Variants in OR8B2 observed in about 807,000 individuals in gnomAD.
OR8B2 encodes the protein olfactory receptor 8B2.
For synonymous variants in OR8B2, 98 were observed against 138.2 expected (o/e 0.71, Z 2.04); for missense variants, 304 against 379.6 (o/e 0.80, Z 1.65).
At chr11:124,391,286 G>GAA in the OR8B2 span, among the ~76,000 whole-genome samples, 1 of 111,158 alleles carries the variant, frequency 9.0e-6, no homozygotes, top group Non-Finnish European at 2.1e-5. Context: ...AGGAAATACA[G>GAA]ACAAAAAAAA....
the OR8B2 span, among the ~76,000 whole-genome samples, chr11:124,395,275 AAAAACAAAAC>A: frequency 1.3e-5 from 2 of 152,216 alleles, no homozygotes; most frequent in African/African-American, 4.8e-5. Context: ...AAAAAAAGAC[AAAAACAAAAC>A]AAAACAAAAC....
chr11:124,396,964 A>G, the OR8B2 span: 4 of 1,613,296 alleles, frequency 2.5e-6, no homozygotes, highest in South Asian at 1.1e-5. Context: ...TTATACAGCA[A>G]TGGATTACAG....
At chr11:124,394,086 C>G in the OR8B2 span, among the ~76,000 whole-genome samples, 1 of 122,174 alleles carries the variant, frequency 8.2e-6, no homozygotes, top group Non-Finnish European at 1.6e-5. Flanking sequence ...AGGAGAACAT[C>G]ACACTCTGGG....
At chr11:124,396,942 G>A in the OR8B2 span, 1 of 1,610,438 alleles carries the variant, frequency 6.2e-7, no homozygotes, top group Non-Finnish European at 8.5e-7. Flanking sequence ...GACCTGATGG[G>A]ACATGGTGAC....
upstream of OR8B2, among the ~76,000 whole-genome samples, chr11:124,386,488 A>G (rs191741030): frequency 0.31 from 43,189 of 137,202 alleles, 6,188 homozygotes; most frequent in African/African-American, 0.37. Context: ...ATTCCCACCT[A>G]TGAGTGAGAA....
At chr11:124,394,023 C>T in the OR8B2 span, among the ~76,000 whole-genome samples, 314 of 144,502 alleles carry the variant, frequency 2.2e-3, 1 homozygote, top group African/African-American at 7.8e-3. Flanking sequence ...CCAAACACCG[C>T]GTATTCTCAC....
chr11:124,389,645 A>G, the OR8B2 span, among the ~76,000 whole-genome samples: 1 of 152,300 alleles, frequency 6.6e-6, no homozygotes, highest in East Asian at 1.9e-4. Context: ...ATTGATTGTT[A>G]AAAATCATTT....
the OR8B2 span, among the ~76,000 whole-genome samples, chr11:124,394,853 T>C: frequency 6.6e-6 from 1 of 152,172 alleles, no homozygotes; most frequent in African/African-American, 2.4e-5. Context: ...TCGTTATTTT[T>C]ATATGTTATT....
At position 124,382,804 on chromosome 11, in the gene OR8B2, G is replaced by T. The variant is rs766000494; in HGVS notation, c.540C>A (p.Asp180Glu). The T allele has an allele frequency of 3.7e-6, 6 of 1,602,490 alleles. 1 individual carries two copies. The East Asian group carries it at 1.3e-4, about 36-fold the overall frequency. ...SANIINHYLC[D>E]ILPLLQLSCT... is the part of the protein sequence containing the mutation. The stretch of plus-strand genomic sequence containing the variant: ...AGGAAAGCTGGAGGAGGGGGAGTAT[G>T]TCACACAAGTAATGGTTGATGATAT... The change falls in exon 2 of 2, where the codon GAC becomes GAA. Residue 180 changes from aspartate to glutamate, a missense_variant. Transcript: ENST00000641451.
upstream of OR8B2, among the ~76,000 whole-genome samples, chr11:124,385,363 G>C (rs1565347294): frequency 6.6e-6 from 1 of 151,928 alleles, no homozygotes; most frequent in Admixed American, 6.6e-5. Flanking sequence ...AGATTCCCTT[G>C]GACACTTCAC....
Position 124,383,075 on chromosome 11 carries a change from T to C in OR8B2, c.269A>G (p.Asn90Ser), listed in dbSNP as rs778114101. 3 of 1,613,766 alleles carry C rather than the reference T, an allele frequency of 1.9e-6. No homozygotes were observed. Among genetic ancestry groups the C allele is most frequent in the African/African-American group, 2.7e-5 (2 of 74,908 alleles). The change falls in exon 2 of 2, where the codon AAT (asparagine) becomes AGT (serine). Residue 90 changes from asparagine (N) to serine (S), a missense_variant. By Grantham distance (46) the Asn-to-Ser change is conservative. Coordinates refer to ENST00000641451, the MANE Select transcript of OR8B2 (RefSeq NM_001005468.2). Reference sequence around the variant, plus strand: ...CATGCACCCAACATTGGAGATAATATTCTTTTTTGACACAAAGTTCATTAG... The same window carrying C: ...CATGCACCCAACATTGGAGATAATACTCTTTTTTGACACAAAGTTCATTAG... ...KMLMNFVSKK[N>S]IISNVGCMTR...
At chr11:124,396,586 C>T in the OR8B2 span, 3 of 1,612,664 alleles carry the variant, frequency 1.9e-6, no homozygotes, top group Non-Finnish European at 2.5e-6. Flanking sequence ...TACATGAATG[C>T]CGCTGACCCA....
the OR8B2 span, among the ~76,000 whole-genome samples, chr11:124,390,109 A>G: frequency 2.6e-5 from 4 of 152,242 alleles, no homozygotes; most frequent in Non-Finnish European, 5.9e-5. Flanking sequence ...TCTCAAGTAG[A>G]GGCTCCACTC....
rs1387244743 is a variant in OR8B2, at chr11:124,382,791, G to C, written c.553C>G (p.Leu185Val). ...NHYLCDILPL[L>V]QLSCTSTYVN... ...TAGGTGCTGGTGCAGGAAAGCTGGA[G>C]GAGGGGGAGTATGTCACACAAGTAA... is the stretch of plus-strand genomic sequence containing the variant. The change falls in exon 2 of 2, where the codon CTC becomes GTC. Residue 185 changes from leucine (L) to valine (V), a missense_variant. By Grantham distance (32) the Leu-to-Val change is conservative. Transcript: ENST00000641451. 1.9e-6 allele frequency: 3 copies of C among 1,606,634 alleles called. No individual in the cohort carries two copies. Among genetic ancestry groups the C allele is most frequent in the Non-Finnish European group, 2.6e-6 (3 of 1,173,762 alleles).
the OR8B2 span, among the ~76,000 whole-genome samples, chr11:124,394,355 A>G: frequency 1.3e-5 from 2 of 152,144 alleles, no homozygotes; most frequent in Admixed American, 6.5e-5. Context: ...ATGTCAAGAA[A>G]TAGACTTGCA....
rs777314755 is a variant in OR8B2, at chr11:124,382,512, T to C, written c.832A>G (p.Thr278Ala). 1.9e-6 allele frequency: 3 copies of C among 1,613,990 alleles called. No homozygotes were observed. The highest frequency in any genetic ancestry group is 2.5e-6 in the Non-Finnish European group (3 of 1,179,972). Residue 278 changes from threonine (T) to alanine (A), a missense_variant, in exon 2 of 2, where the codon ACT becomes GCT. Transcript: ENST00000641451. ...EQGKVSSVFY[T>A]NVVPMLNPLI... is the part of the protein sequence containing the mutation. Reference sequence around the variant, plus strand: ...GGATTGAGCATGGGCACCACATTAGTGTAGAAAACAGAAGAAACTTTTCCC... The same window carrying C: ...GGATTGAGCATGGGCACCACATTAGCGTAGAAAACAGAAGAAACTTTTCCC...
At chr11:124,386,194 C>T (rs1283635851), upstream of OR8B2, among the ~76,000 whole-genome samples, 5 of 149,846 alleles carry the variant, frequency 3.3e-5, no homozygotes, top group African/African-American at 9.8e-5. Flanking sequence ...TCCCTGGGAG[C>T]GAACACCATT....
chr11:124,382,955 A>C lies in OR8B2; in HGVS notation c.389T>G (p.Leu130Trp). ...ATGGGACATGGTGACCTTATACAGC[A>C]ATGGATTACAGATGGCCACATAGCG... ...YDRYVAICNPLLYKVTMSHQV... is the reference protein window; with the variant it reads ...YDRYVAICNPWLYKVTMSHQV... Residue 130 changes from leucine (L) to tryptophan (W), a missense_variant, in exon 2 of 2, where the codon TTG becomes TGG. Coordinates refer to ENST00000641451, the MANE Select transcript of OR8B2 (RefSeq NM_001005468.2). 1 of 1,612,114 alleles carries C rather than the reference A, an allele frequency of 6.2e-7. No homozygotes were observed. The highest frequency in any genetic ancestry group is 1.3e-5 in the African/African-American group (1 of 74,966).
At chr11:124,396,395 T>C in the OR8B2 span, 3 of 1,578,410 alleles carry the variant, frequency 1.9e-6, no homozygotes, top group South Asian at 2.4e-5. Context: ...CGTTTTACAT[T>C]ATTACTGCTT....
Sources: gnomAD v4.1 joint callset for allele counts (sites outside exome capture counted in the v4.1 genomes callset) on GRCh38, gnomAD v4.1.1 for gene constraint, MANE v1.5 for transcripts, NCBI Gene and HGNC (gene_info 2026-07-23, HGNC 2026-07-21) for gene names.